CNTNAP2: variants seen among roughly 807,000 people sequenced by gnomAD.
The protein encoded by CNTNAP2 is contactin associated protein 2, also known as contactin-associated protein-like 2.
A neutral mutation model predicts 155.2 loss-of-function variants in CNTNAP2; 98 were observed. The ratio of observed to expected loss-of-function variants is 0.63; its 90% CI spans 0.54 to 0.75. The LOEUF is 0.75. Among genes scored for constraint, CNTNAP2 ranks in the 30% least tolerant of loss-of-function variants. CNTNAP2 has a pLI of 0.00. For missense variants in CNTNAP2, 1,727 were observed against 1,688.1 expected, an observed-to-expected ratio of 1.02 and a Z score of -0.40; for synonymous variants, 651 against 631.2, an observed-to-expected ratio of 1.03 and a Z score of -0.47.
At chr7:146,490,354 G>A (rs1220480299) in intron 1 of CNTNAP2, among the ~76,000 whole-genome samples, 4 of 152,172 alleles carry the variant, frequency 2.6e-5, no homozygotes, top group African/African-American at 9.6e-5. Flanking sequence ...CAATATACAA[G>A]ATAAATTAGA....
At chr7:147,651,107 A>C (rs2116940687) in intron 13 of CNTNAP2, among the ~76,000 whole-genome samples, 1 of 152,250 alleles carries the variant, frequency 6.6e-6, no homozygotes, top group South Asian at 2.1e-4. Flanking sequence ...CAACCGGAGA[A>C]ACAGAACAAG....
chr7:147,215,427 G>A (rs540363658), intron 8 of CNTNAP2, among the ~76,000 whole-genome samples: 11 of 152,226 alleles, frequency 7.2e-5, no homozygotes, highest in African/African-American at 2.6e-4. Flanking sequence ...TGTCCATAGT[G>A]TCACATGGTT....
chr7:146,525,306 G>A (rs182399740), intron 1 of CNTNAP2, among the ~76,000 whole-genome samples: 22 of 146,750 alleles, frequency 1.5e-4, no homozygotes, highest in Admixed American at 1.0e-3. Flanking sequence ...TCGAAACAAC[G>A]CCACTTACAT....
At chr7:148,094,748 G>A (rs1803925904) in intron 15 of CNTNAP2, among the ~76,000 whole-genome samples, 1 of 152,206 alleles carries the variant, frequency 6.6e-6, no homozygotes, top group Admixed American at 6.5e-5. Flanking sequence ...ACTCTTGGCT[G>A]AGCGCAATGA....
intron 20 of CNTNAP2, among the ~76,000 whole-genome samples, chr7:148,260,783 G>C (rs888599569): frequency 1.3e-5 from 2 of 152,196 alleles, no homozygotes; most frequent in Non-Finnish European, 2.9e-5. Context: ...AGCTGGGCCT[G>C]AGAGTTAAGT....
intron 1 of CNTNAP2, among the ~76,000 whole-genome samples, chr7:146,180,485 G>A (rs1320634601): frequency 2.0e-5 from 3 of 151,834 alleles, no homozygotes; most frequent in Non-Finnish European, 4.4e-5. Flanking sequence ...TCATTTAAAA[G>A]TCGATAAATT....
At chr7:148,366,520 T>A (rs1407693085) in intron 21 of CNTNAP2, among the ~76,000 whole-genome samples, 1 of 152,198 alleles carries the variant, frequency 6.6e-6, no homozygotes, top group Non-Finnish European at 1.5e-5. Context: ...TTTCACTCTT[T>A]CTATAAAATT....
intron 1 of CNTNAP2, among the ~76,000 whole-genome samples, chr7:146,738,841 G>GT (rs573424179): frequency 0.024 from 3,192 of 133,362 alleles, 71 homozygotes; most frequent in African/African-American, 0.057. Flanking sequence ...AAGATTTTCT[G>GT]TTTTTTTTTT....
intron 9 of CNTNAP2, among the ~76,000 whole-genome samples, chr7:147,342,955 T>C (rs1481681595): frequency 1.3e-5 from 2 of 152,124 alleles, no homozygotes; most frequent in African/African-American, 4.8e-5. Context: ...TATCACTTTT[T>C]TCACGGGTCA....
intron 9 of CNTNAP2, among the ~76,000 whole-genome samples, chr7:147,310,352 A>G (rs1200411061): frequency 1.3e-5 from 2 of 152,170 alleles, no homozygotes; most frequent in Non-Finnish European, 2.9e-5. Context: ...GCCATTTACC[A>G]TTGACATGTT....
intron 12 of CNTNAP2, among the ~76,000 whole-genome samples, chr7:147,626,544 C>G (rs1478525521): frequency 2.0e-5 from 3 of 152,114 alleles, no homozygotes; most frequent in African/African-American, 7.2e-5. Flanking sequence ...TTTACCCACC[C>G]TAGTAGCTGA....
rs1205566410 is a variant in CNTNAP2, at chr7:148,417,513, A to G, written c.*1897A>G. 3 of 152,596 alleles carry G rather than the reference A, an allele frequency of 2.0e-5. No homozygotes were observed. Among genetic ancestry groups the G allele is most frequent in the African/African-American group, 7.2e-5 (3 of 41,464 alleles). 9.5% of individuals were successfully genotyped at this position (152,596 alleles called of 1,614,324 possible). ...TAAAAGGTTTTAATCATTCTTCTAT[A>G]AAATACATTTAAAATGGAAAAATAC... On this transcript the variant is annotated 3_prime_UTR_variant, in exon 24 of 24. Transcript: ENST00000361727.
chr7:146,618,808 G>A (rs758009955), intron 1 of CNTNAP2, among the ~76,000 whole-genome samples: 30 of 152,220 alleles, frequency 2.0e-4, no homozygotes, highest in Admixed American at 3.3e-4. Context: ...GGTGGCTCAC[G>A]CCTGTAATCC....
chr7:146,460,065 A>G (rs1000635181), intron 1 of CNTNAP2, among the ~76,000 whole-genome samples: 8 of 152,194 alleles, frequency 5.3e-5, no homozygotes, highest in Admixed American at 2.6e-4. Context: ...ATGGCGGCCA[A>G]GCTTGGGATT....
intron 8 of CNTNAP2, among the ~76,000 whole-genome samples, chr7:147,150,835 T>C (rs1801811411): frequency 6.6e-6 from 1 of 152,004 alleles, no homozygotes; most frequent in Admixed American, 6.6e-5. Flanking sequence ...GAAAATAAAC[T>C]GGAACTACTT....
rs370377093 is a variant in CNTNAP2, at chr7:147,108,128, A to ATTTTT, written c.551-12_551-8dup. On this transcript the variant is annotated intron_variant, in intron 4 of 23. Coordinates refer to ENST00000361727, the MANE Select transcript of CNTNAP2 (RefSeq NM_014141.6). ...ACATACATGGCTGAACTAATATGTT[A>ATTTTT]TTTTTTTTTTTGTTTTAGGGGCTGA... 7 of 1,313,576 alleles carry ATTTTT rather than the reference A, an allele frequency of 5.3e-6. No homozygotes were observed. The highest frequency in any genetic ancestry group is 1.9e-5 in the Admixed American group (1 of 51,444). 81.4% of individuals were successfully genotyped at this position (1,313,576 alleles called of 1,614,324 possible). A position where few individuals can be genotyped will look rare whatever the true frequency, so the allele number is the denominator to read the frequency against.
intron 10 of CNTNAP2, among the ~76,000 whole-genome samples, chr7:147,456,245 C>A (rs1797916216): frequency 1.3e-5 from 2 of 152,080 alleles, no homozygotes; most frequent in Admixed American, 1.3e-4. Context: ...TATTGGAGAT[C>A]TATGACAAAG....
intron 10 of CNTNAP2, among the ~76,000 whole-genome samples, chr7:147,431,320 G>A (rs1797462612): frequency 6.6e-6 from 1 of 152,034 alleles, no homozygotes; most frequent in African/African-American, 2.4e-5. Context: ...CAATAGAGAT[G>A]GTGTCTCTCT....
chr7:146,759,024 T>C (rs1802039482), intron 1 of CNTNAP2, among the ~76,000 whole-genome samples: 1 of 152,222 alleles, frequency 6.6e-6, no homozygotes, highest in Admixed American at 6.5e-5. Flanking sequence ...CTAAAATGAG[T>C]GCACACCCAC....
Sources: allele counts gnomAD v4.1 joint callset (sites outside exome capture counted in the v4.1 genomes callset), GRCh38; gene constraint gnomAD v4.1.1; transcripts MANE v1.5; gene names NCBI Gene and HGNC (gene_info 2026-07-23, HGNC 2026-07-21).